SGCZ: variants seen among roughly 807,000 people sequenced by gnomAD.
SGCZ encodes zeta-sarcoglycan.
In SGCZ, 40 loss-of-function variants were observed where a neutral mutation model predicts 41.3. That is an observed-to-expected ratio of 0.97 (90% CI 0.75 to 1.26). The LOEUF is 1.26. Ranked by LOEUF, SGCZ falls within the 50% of genes most tolerant of loss-of-function variation. The pLI is 0.00. For missense variants in SGCZ, 552 were observed against 369.8 expected (o/e 1.49, Z -4.04); for synonymous variants, 206 against 137.5 (o/e 1.50, Z -3.49).
intron 1 of SGCZ, among the ~76,000 whole-genome samples, chr8:14,982,568 C>T (rs550526665): frequency 1.8e-4 from 27 of 152,250 alleles, no homozygotes; most frequent in East Asian, 1.5e-3. Context: ...CTTCTACCTC[C>T]TCTCTCCTCA....
chr8:14,616,162 A>C (rs1480218559), intron 1 of SGCZ, among the ~76,000 whole-genome samples: 1 of 152,030 alleles, frequency 6.6e-6, no homozygotes, highest in Admixed American at 6.6e-5. Context: ...GGGCGCCTCT[A>C]GTCCCAGCTA....
chr8:14,790,961 G>A (rs540568826), intron 1 of SGCZ, among the ~76,000 whole-genome samples: 1 of 150,800 alleles, frequency 6.6e-6, no homozygotes, highest in African/African-American at 2.4e-5. Flanking sequence ...AACACGGGAG[G>A]CAAAGGTTGC....
rs56740170 is a variant in SGCZ at position 14,116,061 on chromosome 8, T to A, written c.548-7826A>T. ...TTCCTTAGGACTTCTGGTACATTGATATCAAAGTGCTTTCTATGGAAAATA... is the reference window on the plus strand; with the variant it reads ...TTCCTTAGGACTTCTGGTACATTGAAATCAAAGTGCTTTCTATGGAAAATA... On this transcript the variant is annotated intron_variant, in intron 5 of 7. Coordinates refer to ENST00000382080, the MANE Select transcript of SGCZ (RefSeq NM_139167.4). 7.2e-3 allele frequency among the ~76,000 whole-genome samples: 1,092 copies of A among 152,208 alleles called. 20 individuals carry two copies. Among genetic ancestry groups the A allele is most frequent in the African/African-American group, 0.025 (1,042 of 41,556 alleles).
chr8:14,998,429 G>A (rs13270373), intron 1 of SGCZ, among the ~76,000 whole-genome samples: 53,707 of 151,942 alleles, frequency 0.35, 9,791 homozygotes, highest in South Asian at 0.38. Context: ...CATAAGGAGC[G>A]TGACTTTAAC....
Position 14,088,183 on chromosome 8 carries a change from C to T in SGCZ, c.*2260G>A, listed in dbSNP as rs1645288161. On this transcript the variant is annotated 3_prime_UTR_variant, in exon 8 of 8. Coordinates refer to ENST00000382080, the MANE Select transcript of SGCZ (RefSeq NM_139167.4). ...CTTGAATTAGAACTTGAAATTAGAA[C>T]ATGTTGGAACAGAAAGGAACCCCAA... Among the ~76,000 whole-genome samples the T allele has an allele frequency of 6.6e-6, 1 of 151,452 alleles. No individual in the cohort carries two copies. Among genetic ancestry groups the T allele is most frequent in the Admixed American group, 6.6e-5 (1 of 15,150 alleles).
chr8:14,251,124 A>T (rs962043281), intron 3 of SGCZ, among the ~76,000 whole-genome samples: 3 of 152,130 alleles, frequency 2.0e-5, no homozygotes, highest in Non-Finnish European at 4.4e-5. Flanking sequence ...GCTACTCGGG[A>T]GGCCAAGGCA....
chr8:14,316,607 C>T (rs778993759), intron 3 of SGCZ, among the ~76,000 whole-genome samples: 1 of 151,926 alleles, frequency 6.6e-6, no homozygotes, highest in Non-Finnish European at 1.5e-5. Context: ...GAAACACTTT[C>T]ACCTTTCTTC....
In SGCZ at chr8:14,861,758, G is replaced by A. The variant is rs370459705; in HGVS notation, c.40-306832C>T. On this transcript the variant is annotated intron_variant, in intron 1 of 7. Transcript: ENST00000382080. ...CAAATTATGTTCTTTAGACTTGCAC[G>A]TGGTGTTGCTAAGCTTCCCAACATC... is the stretch of plus-strand genomic sequence containing the variant. 1.6e-4 allele frequency among the ~76,000 whole-genome samples: 25 copies of A among 151,978 alleles called. No individual in the cohort carries two copies. The South Asian group carries it at 4.4e-3, about 27-fold the overall frequency.
intron 3 of SGCZ, among the ~76,000 whole-genome samples, chr8:14,243,072 C>A (rs1563207283): frequency 6.6e-6 from 1 of 152,112 alleles, no homozygotes; most frequent in Non-Finnish European, 1.5e-5. Context: ...TCCTCAGATT[C>A]CAAATGAGGA....
At position 14,164,251 on chromosome 8, in the gene SGCZ, A is replaced by T. The variant is rs187843364; in HGVS notation, c.547+329T>A. On this transcript the variant is annotated intron_variant, in intron 5 of 7. Transcript: ENST00000382080. ...GTTCCTTCGCACGTCTTTTATTTTA[A>T]AATAATACTCCCAAATTATTATTTG... Among the ~76,000 whole-genome samples, 84 of 152,152 alleles carry T rather than the reference A, an allele frequency of 5.5e-4. 1 individual carries two copies. The highest frequency in any genetic ancestry group is 1.9e-3 in the African/African-American group (77 of 41,504).
chr8:14,836,114 C>G (rs372316845), intron 1 of SGCZ, among the ~76,000 whole-genome samples: 1 of 152,028 alleles, frequency 6.6e-6, no homozygotes, highest in Non-Finnish European at 1.5e-5. Flanking sequence ...ATCATTTTTA[C>G]TGCCTCCCCC....
intron 1 of SGCZ, among the ~76,000 whole-genome samples, chr8:15,216,610 A>G (rs1801411864): frequency 6.6e-6 from 1 of 152,134 alleles, no homozygotes. Context: ...CTGTCAAGAG[A>G]ACTATATAGA....
chr8:14,253,732 T>C (rs542924218), intron 3 of SGCZ, among the ~76,000 whole-genome samples: 1 of 152,278 alleles, frequency 6.6e-6, no homozygotes, highest in African/African-American at 2.4e-5. Flanking sequence ...ATATAATAAA[T>C]AGCTTATTCT....
chr8:14,286,844 T>C (rs910859768), intron 3 of SGCZ, among the ~76,000 whole-genome samples: 1 of 152,124 alleles, frequency 6.6e-6, no homozygotes, highest in African/African-American at 2.4e-5. Context: ...GCAATTTGTA[T>C]TCCCATTAGT....
At chr8:14,315,634 T>C (rs1317487838) in intron 3 of SGCZ, among the ~76,000 whole-genome samples, 1 of 152,014 alleles carries the variant, frequency 6.6e-6, no homozygotes, top group Non-Finnish European at 1.5e-5. Flanking sequence ...ATTAGACACA[T>C]GAGATGTGGC....
chr8:14,549,215 C>G (rs543806176), intron 2 of SGCZ, among the ~76,000 whole-genome samples: 3 of 152,040 alleles, frequency 2.0e-5, no homozygotes, highest in Admixed American at 6.6e-5. Context: ...CTGAGGAAGT[C>G]AGACAGAGCT....
At chr8:14,783,752 T>A (rs886653536) in intron 1 of SGCZ, among the ~76,000 whole-genome samples, 3 of 152,138 alleles carry the variant, frequency 2.0e-5, no homozygotes, top group Non-Finnish European at 2.9e-5. Context: ...AAGCTTTTAG[T>A]CATTTGGAAA....
At chr8:14,124,494 A>T (rs553613870) in intron 5 of SGCZ, among the ~76,000 whole-genome samples, 2 of 152,314 alleles carry the variant, frequency 1.3e-5, no homozygotes, top group Admixed American at 1.3e-4. Context: ...TATACAGTTG[A>T]CTTAAAACTA....
intron 2 of SGCZ, among the ~76,000 whole-genome samples, chr8:14,346,591 C>T (rs1802897523): frequency 1.3e-5 from 2 of 151,784 alleles, no homozygotes; most frequent in African/African-American, 4.8e-5. Flanking sequence ...TGCATATAAG[C>T]AATAAATCTT....
Sources: allele counts gnomAD v4.1 joint callset (sites outside exome capture counted in the v4.1 genomes callset), GRCh38; gene constraint gnomAD v4.1.1; transcripts MANE v1.5; gene names NCBI Gene and HGNC (gene_info 2026-07-23, HGNC 2026-07-21).